Variants in ST7 observed in about 807,000 individuals in gnomAD.
The protein encoded by ST7 is suppression of tumorigenicity 7.
In ST7, 28 loss-of-function variants were observed where a neutral mutation model predicts 78.7. That is an observed-to-expected ratio of 0.36 (90% CI 0.26 to 0.49). The LOEUF (loss-of-function observed/expected upper bound fraction) is 0.49. Ranked by LOEUF, ST7 falls within the 20% of genes least tolerant of loss-of-function variation. ST7 has a pLI of 0.99. For synonymous variants in ST7, 247 were observed against 249.6 expected (o/e 0.99, Z 0.10); for missense variants, 418 against 696.0 (o/e 0.60, Z 4.49).
chr7:117,140,720 A>AT (rs1350541611), intron 9 of ST7, among the ~76,000 whole-genome samples: 1 of 152,212 alleles, frequency 6.6e-6, no homozygotes, highest in African/African-American at 2.4e-5. Context: ...CTAAAAAAAA[A>AT]GTCTGTCATA....
intron 2 of ST7, among the ~76,000 whole-genome samples, chr7:117,101,719 G>C (rs1039733997): frequency 6.6e-6 from 1 of 152,138 alleles, no homozygotes; most frequent in African/African-American, 2.4e-5. Context: ...AGAGTCCTTA[G>C]CATTTTTGGG....
chr7:117,052,476 C>G (rs1231437049), intron 1 of ST7, among the ~76,000 whole-genome samples: 1 of 152,154 alleles, frequency 6.6e-6, no homozygotes, highest in African/African-American at 2.4e-5. Flanking sequence ...AGGTATTATT[C>G]TTTTAATAAT....
intron 1 of ST7, among the ~76,000 whole-genome samples, chr7:117,070,055 T>G (rs1180097854): frequency 9.2e-5 from 14 of 152,258 alleles, no homozygotes; most frequent in Non-Finnish European, 7.3e-5. Context: ...CTTGATGTTA[T>G]ATGTACCTGC....
intron 1 of ST7, chr7:116,958,646 T>C: frequency 2.1e-6 from 1 of 471,212 alleles, no homozygotes. Flanking sequence ...AGGCTTACCT[T>C]GGAGATATTG....
chr7:117,018,195 T>A (rs963858945), intron 1 of ST7, among the ~76,000 whole-genome samples: 5 of 152,232 alleles, frequency 3.3e-5, no homozygotes, highest in African/African-American at 1.2e-4. Flanking sequence ...CTCTTTTCCC[T>A]CTTGCCTTTC....
chr7:116,999,885 A>G (rs1487571077), intron 1 of ST7, among the ~76,000 whole-genome samples: 1 of 135,058 alleles, frequency 7.4e-6, no homozygotes, highest in Non-Finnish European at 1.5e-5. Flanking sequence ...ATCTCAGCTC[A>G]CTGCAAGCTT....
chr7:117,160,245 AAG>A (rs1256789747), intron 9 of ST7, among the ~76,000 whole-genome samples: 100 of 149,916 alleles, frequency 6.7e-4, no homozygotes, highest in African/African-American at 2.1e-3. Context: ...AAAAAAAAAA[AAG>A]AAAGAAAGAA....
chr7:116,990,336 T>C (rs181495912), intron 1 of ST7, among the ~76,000 whole-genome samples: 2 of 152,094 alleles, frequency 1.3e-5, no homozygotes, highest in African/African-American at 4.8e-5. Context: ...GCTTGGACCG[T>C]TTTCTTTCTA....
intron 13 of ST7, among the ~76,000 whole-genome samples, chr7:117,213,619 G>C (rs1255366854): frequency 6.6e-6 from 1 of 151,352 alleles, no homozygotes; most frequent in East Asian, 1.9e-4. Flanking sequence ...AGATTGTTTG[G>C]GTTTGAAACA....
At chr7:117,031,394 A>G (rs1186007921) in intron 1 of ST7, among the ~76,000 whole-genome samples, 1 of 150,842 alleles carries the variant, frequency 6.6e-6, no homozygotes, top group African/African-American at 2.5e-5. Flanking sequence ...ATGTGTATAT[A>G]TGTGCATATA....
chr7:117,063,593 C>G (rs548818521), intron 1 of ST7, among the ~76,000 whole-genome samples: 1 of 152,088 alleles, frequency 6.6e-6, no homozygotes, highest in Admixed American at 6.6e-5. Flanking sequence ...CCTGTAGTCC[C>G]AGCTACCTGA....
At chr7:117,143,038 C>A (rs1256425634) in intron 9 of ST7, among the ~76,000 whole-genome samples, 1 of 152,026 alleles carries the variant, frequency 6.6e-6, no homozygotes, top group Non-Finnish European at 1.5e-5. Flanking sequence ...AATGAGATTC[C>A]CTGAAGATCC....
intron 2 of ST7, among the ~76,000 whole-genome samples, chr7:117,100,349 C>T (rs922708982): frequency 6.6e-6 from 1 of 151,996 alleles, no homozygotes; most frequent in Admixed American, 6.6e-5. Context: ...GTGGCACATA[C>T]CTGTAGTCCC....
chr7:117,052,780 G>A (rs1454407209), intron 1 of ST7, among the ~76,000 whole-genome samples: 1 of 152,226 alleles, frequency 6.6e-6, no homozygotes, highest in Non-Finnish European at 1.5e-5. Context: ...TGTAGTCCCA[G>A]CTACTCAGGA....
At chr7:116,955,128 A>G (rs754874060) in intron 1 of ST7, 1 of 471,012 alleles carries the variant, frequency 2.1e-6, no homozygotes, top group Non-Finnish European at 4.4e-6. Flanking sequence ...TGCTTGTCGC[A>G]ATATTGTCTT....
chr7:117,182,441 A>G lies in ST7; in HGVS notation c.1079-6880A>G, dbSNP rs147208786. Among the ~76,000 whole-genome samples the G allele has an allele frequency of 1.8e-3, 274 of 152,356 alleles. 1 individual carries two copies. The highest frequency in any genetic ancestry group is 6.4e-3 in the African/African-American group (267 of 41,588). On this transcript the variant is annotated intron_variant, in intron 10 of 15. Transcript: ENST00000323984. ...TAAGCTGGAATGACGTACTGAAACT[A>G]TTAAGATTTAATGGCTCAGATTTAA...
At chr7:117,222,210 A>C in intron 15 of ST7, 148 bp downstream of exon 15, 2 of 903,144 alleles carry the variant, frequency 2.2e-6, no homozygotes, top group Non-Finnish European at 3.1e-6. Flanking sequence ...ATGATCGTCA[A>C]TGGAATCAAA....
intron 1 of ST7, among the ~76,000 whole-genome samples, chr7:117,036,457 G>T (rs1033221372): frequency 2.0e-5 from 3 of 152,194 alleles, no homozygotes; most frequent in African/African-American, 7.2e-5. Context: ...AATATTTTAC[G>T]TATTTAGCTG....
intron 12 of ST7, among the ~76,000 whole-genome samples, chr7:117,194,847 C>T (rs1204625226): frequency 6.6e-6 from 1 of 152,164 alleles, no homozygotes; most frequent in East Asian, 1.9e-4. Flanking sequence ...ATCAGTGACC[C>T]ATCAACTACA....
Sources: allele counts gnomAD v4.1 joint callset (sites outside exome capture counted in the v4.1 genomes callset), GRCh38; gene constraint gnomAD v4.1.1; transcripts MANE v1.5; gene names NCBI Gene and HGNC (gene_info 2026-07-23, HGNC 2026-07-21).